The following SAR1A variants were observed in gnomAD, a reference collection of about 807,000 sequenced individuals.
SAR1A encodes secretion associated Ras related GTPase 1A.
SAR1A carries 6 observed loss-of-function variants against 22.6 expected under a neutral mutation model. That is an observed-to-expected ratio of 0.27 (90% CI 0.15 to 0.52). SAR1A has a LOEUF of 0.52. Ranked by LOEUF, SAR1A falls within the 20% of genes least tolerant of loss-of-function variation. The pLI is 0.96. For missense variants in SAR1A, 145 were observed against 245.1 expected (o/e 0.59, Z 2.73); for synonymous variants, 70 against 82.2 (o/e 0.85, Z 0.80).
chr10:70,154,725 T>G (rs10999163), intron 5 of SAR1A, among the ~76,000 whole-genome samples: 13,638 of 152,144 alleles, frequency 0.09, 1,153 homozygotes, highest in East Asian at 0.22. Context: ...CATCCCAAAA[T>G]GCTGGAATTA....
intron 1 of SAR1A, among the ~76,000 whole-genome samples, 191 bp from the exon 2 acceptor site, chr10:70,162,122 T>C (rs533148598): frequency 4.6e-5 from 7 of 152,116 alleles, no homozygotes; most frequent in African/African-American, 1.7e-4. Context: ...GGCGGATCAC[T>C]TGAGCCCAGG....
chr10:70,157,942 A>AT, intron 4 of SAR1A, 75 bp from the exon 5 acceptor site: 1 of 1,003,880 alleles, frequency 1.0e-6, no homozygotes, highest in South Asian at 1.4e-5. Flanking sequence ...GGTCTATAAA[A>AT]TGGACAAATC....
intron 3 of SAR1A, chr10:70,161,359 T>C: frequency 1.8e-6 from 1 of 552,138 alleles, no homozygotes; most frequent in Non-Finnish European, 3.2e-6. Context: ...TTTCTTTTCT[T>C]CCAAGCTATT....
At chr10:70,162,046 A>C (rs1033406075) in intron 1 of SAR1A, 115 bp from the exon 2 acceptor site, 1 of 776,044 alleles carries the variant, frequency 1.3e-6, no homozygotes, top group African/African-American at 1.7e-5. Flanking sequence ...TGTTTTCGGG[A>C]ATAAGAAAGC....
chr10:70,169,078 A>G (rs903891667), intron 1 of SAR1A, among the ~76,000 whole-genome samples: 2 of 152,186 alleles, frequency 1.3e-5, no homozygotes, highest in African/African-American at 2.4e-5. Context: ...CAACCCTACC[A>G]GGCAAGGATC....
At chr10:70,170,328 G>A (rs1280840519) in intron 1 of SAR1A, 85 bp downstream of exon 1, 1 of 141,336 alleles carries the variant, frequency 7.1e-6, no homozygotes, top group African/African-American at 2.6e-5. Context: ...ACCCCGCCAG[G>A]GCCAGCCTCC....
intron 1 of SAR1A, among the ~76,000 whole-genome samples, chr10:70,169,790 T>C (rs910663291): frequency 2.6e-5 from 4 of 152,152 alleles, no homozygotes; most frequent in Non-Finnish European, 4.4e-5. Flanking sequence ...CCTGACCCAC[T>C]GGCTAGAATC....
In SAR1A at chr10:70,150,690, T is replaced by C. The variant is rs1323130455; in HGVS notation, c.*1786A>G. ...TTATATTACCTAGTTCATTCACTGT[T>C]AGCTAGATTTGTTCACTTAAGGCTT... On this transcript the variant is annotated 3_prime_UTR_variant, in exon 7 of 7. Transcript: ENST00000373241. 1 of 152,290 alleles carries C rather than the reference T, an allele frequency of 6.6e-6. No homozygotes were observed. Among genetic ancestry groups the C allele is most frequent in the Non-Finnish European group, 1.5e-5 (1 of 68,042 alleles). The allele number at this position is 152,290 out of a possible 1,614,324, so 9.4% of individuals were successfully genotyped here. A position where few individuals can be genotyped will look rare whatever the true frequency, so the allele number is the denominator to read the frequency against.
intron 1 of SAR1A, among the ~76,000 whole-genome samples, chr10:70,165,266 A>C (rs1839533187): frequency 9.9e-5 from 1 of 10,076 alleles, no homozygotes; most frequent in South Asian, 3.2e-3. Context: ...CTCCGTCTCA[A>C]AAAAAAAAAA....
At chr10:70,165,190 G>A (rs970414022) in intron 1 of SAR1A, among the ~76,000 whole-genome samples, 12 of 148,640 alleles carry the variant, frequency 8.1e-5, no homozygotes, top group East Asian at 3.9e-4. Flanking sequence ...GCGTGAACCC[G>A]GGAGGCGGAG....
intron 6 of SAR1A, 43 bp downstream of exon 6, chr10:70,153,795 C>T: frequency 6.7e-7 from 1 of 1,494,252 alleles, no homozygotes; most frequent in Non-Finnish European, 8.9e-7. Flanking sequence ...GTTTTAAAAA[C>T]TGTTAATGTC....
chr10:70,166,833 A>G (rs1839559186), intron 1 of SAR1A: 1 of 151,438 alleles, frequency 6.6e-6, no homozygotes. Flanking sequence ...CTACAAAAAA[A>G]AAAAAAAAAA....
chr10:70,159,723 G>A (rs1428973668), intron 4 of SAR1A, among the ~76,000 whole-genome samples: 1 of 152,192 alleles, frequency 6.6e-6, no homozygotes, highest in Non-Finnish European at 1.5e-5. Flanking sequence ...AAGTAAATCT[G>A]ACAGAATCTC....
chr10:70,163,446 ACT>A (rs1400767347), intron 1 of SAR1A, among the ~76,000 whole-genome samples: 1 of 152,038 alleles, frequency 6.6e-6, no homozygotes, highest in Non-Finnish European at 1.5e-5. Context: ...GGGCAAGCTG[ACT>A]CTCTTGTTAT....
chr10:70,164,036 A>C, intron 1 of SAR1A: 1 of 822,904 alleles, frequency 1.2e-6, no homozygotes. Context: ...TGAAGTTAAC[A>C]GATGAAGAAG....
intron 4 of SAR1A, among the ~76,000 whole-genome samples, chr10:70,160,491 T>G (rs61130968): frequency 0.036 from 5,491 of 152,230 alleles, 123 homozygotes; most frequent in East Asian, 0.058. Context: ...ACTAACAAAT[T>G]TGAGCAAAAG....
At chr10:70,155,413 A>G (rs1304046528) in intron 5 of SAR1A, among the ~76,000 whole-genome samples, 3 of 152,246 alleles carry the variant, frequency 2.0e-5, no homozygotes, top group East Asian at 1.9e-4. Context: ...AAGCAGAGTT[A>G]AAGAGATAAA....
chr10:70,148,791 AAAC>A lies in SAR1A; in HGVS notation c.*3682_*3684del, dbSNP rs1356121642. ...GGCGACAGAGTGAGACCAACTCAAA[AAAC>A]AAACAAACAAACAAACAAACAAACT... On this transcript the variant is annotated 3_prime_UTR_variant, in exon 7 of 7. Coordinates refer to ENST00000373241, the MANE Select transcript of SAR1A (RefSeq NM_020150.5). 1.1e-4 allele frequency: 6 copies of A among 52,876 alleles called. No individual in the cohort carries two copies. Among genetic ancestry groups the A allele is most frequent in the Admixed American group, 5.7e-4 (2 of 3,528 alleles). 3.3% of individuals were successfully genotyped at this position (52,876 alleles called of 1,614,324 possible).
intron 1 of SAR1A, among the ~76,000 whole-genome samples, chr10:70,165,692 T>C (rs1246034704): frequency 1.3e-5 from 2 of 152,198 alleles, no homozygotes; most frequent in African/African-American, 2.4e-5. Context: ...ATGAATACTG[T>C]TGAAATGACA....
Sources: allele counts gnomAD v4.1 joint callset (sites outside exome capture counted in the v4.1 genomes callset), GRCh38; gene constraint gnomAD v4.1.1; transcripts MANE v1.5; gene names NCBI Gene and HGNC (gene_info 2026-07-23, HGNC 2026-07-21).